The following ZHX2 variants were observed in gnomAD, a reference collection of about 807,000 sequenced individuals.
ZHX2 encodes zinc fingers and homeoboxes 2.
ZHX2 carries 6 observed loss-of-function variants against 21.9 expected under a neutral mutation model. The observed-to-expected ratio is 0.27, with a 90% CI of 0.15 to 0.54. The LOEUF (loss-of-function observed/expected upper bound fraction) is 0.54. ZHX2 is among the 20% of genes least tolerant of loss of function. ZHX2 has a pLI of 0.95. For synonymous variants in ZHX2, 434 were observed against 437.1 expected (o/e 0.99, Z 0.09); for missense variants, 908 against 1,090.7 (o/e 0.83, Z 2.36).
intron 3 of ZHX2, among the ~76,000 whole-genome samples, chr8:122,970,066 T>G (rs1813680754): frequency 1.3e-5 from 2 of 151,772 alleles, no homozygotes; most frequent in Admixed American, 6.6e-5. Context: ...GTGGTAGAAA[T>G]GTCCCAGAGG....
intron 1 of ZHX2, among the ~76,000 whole-genome samples, chr8:122,809,568 A>G (rs1817885248): frequency 6.6e-6 from 1 of 152,160 alleles, no homozygotes; most frequent in Non-Finnish European, 1.5e-5. Context: ...CTCACAGGGG[A>G]AAGAAAACTC....
chr8:122,792,666 G>T (rs1035164830), intron 1 of ZHX2, among the ~76,000 whole-genome samples: 1 of 152,120 alleles, frequency 6.6e-6, no homozygotes, highest in Non-Finnish European at 1.5e-5. Context: ...TTTTACAGGT[G>T]GGGGAACTGA....
intron 3 of ZHX2, among the ~76,000 whole-genome samples, chr8:122,959,790 C>G (rs1813395637): frequency 6.6e-6 from 1 of 152,190 alleles, no homozygotes; most frequent in Non-Finnish European, 1.5e-5. Flanking sequence ...GCCCGTTAGT[C>G]TGACTTCCCT....
At chr8:122,886,441 C>T (rs1448016714) in intron 2 of ZHX2, among the ~76,000 whole-genome samples, 1 of 152,096 alleles carries the variant, frequency 6.6e-6, no homozygotes, top group African/African-American at 2.4e-5. Flanking sequence ...CTGGACAGCA[C>T]AGGGGTGAAC....
Position 122,781,964 on chromosome 8 carries a change from G to C in ZHX2, c.-283+18G>C, listed in dbSNP as rs1353468891. 2 of 152,192 alleles carry C rather than the reference G, an allele frequency of 1.3e-5. No individual in the cohort carries two copies. Among genetic ancestry groups the C allele is most frequent in the African/African-American group, 4.8e-5 (2 of 41,444 alleles). 9.4% of individuals were successfully genotyped at this position (152,192 alleles called of 1,614,324 possible). On this transcript the variant is annotated intron_variant, in intron 1 of 3. Coordinates refer to ENST00000314393, the MANE Select transcript of ZHX2 (RefSeq NM_014943.5). The surrounding 1 kb of genome is among the most constrained non-coding windows in gnomAD (Gnocchi z 4.6). ...CAGCGCAGGTAAGAAACTTCGCCTC[G>C]GCGCGGAGCCCCCCAGCCGGCGCCG...
chr8:122,934,645 TCCTTCTTTATTA>T (rs1300228542), intron 2 of ZHX2, among the ~76,000 whole-genome samples: 12 of 149,302 alleles, frequency 8.0e-5, no homozygotes, highest in Admixed American at 2.6e-4. Flanking sequence ...CTTCCTTCCT[TCCTTCTTTATTA>T]CCTTCCTTCC....
chr8:122,805,528 G>A (rs1235650578), intron 1 of ZHX2, among the ~76,000 whole-genome samples: 3 of 152,174 alleles, frequency 2.0e-5, no homozygotes, highest in Non-Finnish European at 4.4e-5. Flanking sequence ...CATCTACTAC[G>A]GACTCAAAGG....
At chr8:122,926,578 C>A (rs561283181) in intron 2 of ZHX2, among the ~76,000 whole-genome samples, 4 of 152,176 alleles carry the variant, frequency 2.6e-5, no homozygotes, top group Admixed American at 1.3e-4. Context: ...TGTCAGGTGG[C>A]GAGTGCAGAT....
At chr8:122,925,771 T>C (rs1393507024) in intron 2 of ZHX2, among the ~76,000 whole-genome samples, 1 of 152,146 alleles carries the variant, frequency 6.6e-6, no homozygotes, top group Non-Finnish European at 1.5e-5. Flanking sequence ...AGCAGGGCTT[T>C]GAAGACGACA....
chr8:122,851,639 A>G lies in ZHX2; in HGVS notation c.-282-11838A>G, dbSNP rs1290248372. 2.6e-5 allele frequency among the ~76,000 whole-genome samples: 4 copies of G among 152,220 alleles called. No individual in the cohort carries two copies. In the East Asian group the frequency reaches 7.7e-4, roughly 29 times the overall value. ...CTGGCACATGTGAGCCACATCATCAACATTTCCTGGATGAGGGCATTATTC... is the reference window on the plus strand; with the variant it reads ...CTGGCACATGTGAGCCACATCATCAGCATTTCCTGGATGAGGGCATTATTC... On this transcript the variant is annotated intron_variant, in intron 1 of 3. Coordinates refer to ENST00000314393, the MANE Select transcript of ZHX2 (RefSeq NM_014943.5).
chr8:122,872,079 A>G (rs1306580614), intron 2 of ZHX2, among the ~76,000 whole-genome samples: 1 of 152,228 alleles, frequency 6.6e-6, no homozygotes, highest in Non-Finnish European at 1.5e-5. Context: ...ATAGGCAGGT[A>G]TCACCATGAC....
Position 122,946,217 on chromosome 8 carries a change from A to G in ZHX2, c.-219-5075A>G, listed in dbSNP as rs549683391. Among the ~76,000 whole-genome samples, 101 of 152,310 alleles carry G rather than the reference A, an allele frequency of 6.6e-4. 1 individual carries two copies. Among genetic ancestry groups the G allele is most frequent in the Middle Eastern group, 3.4e-3 (1 of 294 alleles). The stretch of plus-strand genomic sequence containing the variant: ...CTCAAAACTGCAAGTACCAGACTTC[A>G]TGGTGCTGGTCCTCACCTTGCTGGT... On this transcript the variant is annotated intron_variant, in intron 2 of 3. Coordinates refer to ENST00000314393, the MANE Select transcript of ZHX2 (RefSeq NM_014943.5).
chr8:122,959,024 A>G (rs1813377595), intron 3 of ZHX2, among the ~76,000 whole-genome samples: 2 of 152,168 alleles, frequency 1.3e-5, no homozygotes, highest in South Asian at 4.1e-4. Flanking sequence ...ATGTTGTCTG[A>G]TTCAGAACCT....
chr8:122,838,234 G>A (rs1818546369), intron 1 of ZHX2, among the ~76,000 whole-genome samples: 1 of 152,182 alleles, frequency 6.6e-6, no homozygotes, highest in Admixed American at 6.5e-5. Context: ...GGCACTTCCT[G>A]GGTATCAAGG....
At chr8:122,840,993 C>T (rs1280954823) in intron 1 of ZHX2, among the ~76,000 whole-genome samples, 3 of 152,180 alleles carry the variant, frequency 2.0e-5, no homozygotes, top group Non-Finnish European at 4.4e-5. Flanking sequence ...CCTCCACACC[C>T]GGAAAACACA....
At chr8:122,850,532 C>T (rs929674625) in intron 1 of ZHX2, among the ~76,000 whole-genome samples, 11 of 151,054 alleles carry the variant, frequency 7.3e-5, no homozygotes, top group Admixed American at 1.3e-4. Flanking sequence ...CCCAGCTACT[C>T]GGGAGGCTGA....
At chr8:122,805,338 C>T (rs1817801526) in intron 1 of ZHX2, among the ~76,000 whole-genome samples, 1 of 152,216 alleles carries the variant, frequency 6.6e-6, no homozygotes, top group Non-Finnish European at 1.5e-5. Context: ...TGGCCATGGG[C>T]TGCTCCCTGA....
intron 2 of ZHX2, among the ~76,000 whole-genome samples, chr8:122,941,663 C>CAAA (rs67837735): frequency 7.5e-6 from 1 of 133,048 alleles, no homozygotes; most frequent in Non-Finnish European, 1.7e-5. Flanking sequence ...TTAGTTGCAG[C>CAAA]AAAAAAAAAA....
intron 1 of ZHX2, among the ~76,000 whole-genome samples, chr8:122,860,124 T>C (rs1284378207): frequency 2.6e-5 from 4 of 152,154 alleles, no homozygotes; most frequent in African/African-American, 9.7e-5. Flanking sequence ...AGGCACCTTC[T>C]TCACAAGGCA....
Sources: gnomAD v4.1 joint callset for allele counts (sites outside exome capture counted in the v4.1 genomes callset) on GRCh38, gnomAD v4.1.1 for gene constraint, Gnocchi (gnomAD v3.1) non-coding constraint, MANE v1.5 for transcripts, NCBI Gene and HGNC (gene_info 2026-07-23, HGNC 2026-07-21) for gene names.